Variants in DOCK2 observed in about 807,000 individuals in gnomAD.
DOCK2 encodes dedicator of cytokinesis protein 2.
DOCK2 carries 87 observed loss-of-function variants against 248.9 expected under a neutral mutation model. The ratio of observed to expected loss-of-function variants is 0.35; its 90% CI spans 0.29 to 0.42. The LOEUF (loss-of-function observed/expected upper bound fraction) is 0.42. Ranked by LOEUF, DOCK2 falls within the 10% of genes least tolerant of loss-of-function variation. The pLI is 1.00. For synonymous variants in DOCK2, 805 were observed against 821.6 expected, an observed-to-expected ratio of 0.98 and a Z score of 0.35; for missense variants, 1,747 against 2,300.2, an observed-to-expected ratio of 0.76 and a Z score of 4.92.
intron 25 of DOCK2, among the ~76,000 whole-genome samples, chr5:169,801,481 C>T (rs1220164461): frequency 7.2e-5 from 11 of 152,206 alleles, no homozygotes; most frequent in Non-Finnish European, 1.5e-5. Context: ...TCATGCACGA[C>T]ACTTGCAACA....
At chr5:169,844,485 G>A (rs772743256) in intron 27 of DOCK2, among the ~76,000 whole-genome samples, 9 of 152,300 alleles carry the variant, frequency 5.9e-5, no homozygotes, top group African/African-American at 1.2e-4. Context: ...TTGGCTCACC[G>A]CCCAGCCTTT....
intron 27 of DOCK2, among the ~76,000 whole-genome samples, chr5:169,932,762 A>G (rs259896): frequency 0.098 from 14,873 of 152,230 alleles, 791 homozygotes; most frequent in African/African-American, 0.15. Flanking sequence ...ATCCTTTCCT[A>G]TAAATATACA....
intron 27 of DOCK2, among the ~76,000 whole-genome samples, chr5:169,858,154 T>C (rs1163006873): frequency 6.6e-6 from 1 of 152,196 alleles, no homozygotes. Flanking sequence ...TGGTACATGA[T>C]GGAGATACAA....
chr5:169,807,833 C>CAAAAAAAAAAAAAAAA lies in DOCK2; in HGVS notation c.2703+4638_2703+4653dup, dbSNP rs61670398. Reference sequence around the variant, plus strand: ...TGGGAGACAGAGCAAGACTCTGTCTCAAAAAAAAAAAAAAAAAAAAAAAAA... The same window carrying CAAAAAAAAAAAAAAAA: ...TGGGAGACAGAGCAAGACTCTGTCTCAAAAAAAAAAAAAAAAAAAAAAAAAAAAAAAAAAAAAAAAA... On this transcript the variant is annotated intron_variant, in intron 26 of 51. Coordinates refer to ENST00000520908, the MANE Select transcript of DOCK2 (RefSeq NM_004946.3). Among the ~76,000 whole-genome samples, 25 of 24,230 alleles carry CAAAAAAAAAAAAAAAA rather than the reference C, an allele frequency of 1.0e-3. 2 individuals are homozygous for CAAAAAAAAAAAAAAAA. In the East Asian group the frequency reaches 0.018, roughly 18 times the overall value. 15.9% of individuals were successfully genotyped at this position (24,230 alleles called of 152,430 possible).
At chr5:170,034,996 C>T (rs1386464778) in intron 35 of DOCK2, among the ~76,000 whole-genome samples, 1 of 152,184 alleles carries the variant, frequency 6.6e-6, no homozygotes, top group Non-Finnish European at 1.5e-5. Context: ...TTGTGTTGCC[C>T]TGGCCCATGG....
chr5:169,777,704 G>A (rs1765462048), intron 25 of DOCK2, among the ~76,000 whole-genome samples: 1 of 152,302 alleles, frequency 6.6e-6, no homozygotes, highest in Middle Eastern at 3.4e-3. Flanking sequence ...CAATATAGAC[G>A]GTTGACCTCA....
At chr5:169,953,611 A>G (rs1298246125) in intron 27 of DOCK2, among the ~76,000 whole-genome samples, 2 of 152,210 alleles carry the variant, frequency 1.3e-5, no homozygotes, top group African/African-American at 2.4e-5. Context: ...AGTCAGCTAC[A>G]GAGGAGACCT....
At chr5:169,790,178 AG>A (rs1456371332) in intron 25 of DOCK2, among the ~76,000 whole-genome samples, 24 of 152,336 alleles carry the variant, frequency 1.6e-4, no homozygotes, top group Admixed American at 1.6e-3. Context: ...CCCCTCTGTT[AG>A]CCTTAAAATG....
intron 43 of DOCK2, chr5:170,057,377 G>C (rs1200468399): frequency 1.6e-6 from 1 of 632,364 alleles, no homozygotes; most frequent in Non-Finnish European, 2.9e-6. Context: ...CTAAGTCCAG[G>C]GAGAGCTTAC....
At chr5:169,986,608 T>C (rs73327869) in intron 29 of DOCK2, among the ~76,000 whole-genome samples, 2,625 of 152,310 alleles carry the variant, frequency 0.017, 83 homozygotes, top group African/African-American at 0.058. Context: ...AATTATAACA[T>C]TCATTAATCT....
intron 27 of DOCK2, among the ~76,000 whole-genome samples, chr5:169,888,881 G>T (rs895274059): frequency 6.6e-6 from 1 of 152,154 alleles, no homozygotes; most frequent in African/African-American, 2.4e-5. Context: ...TAAACTGTAG[G>T]TGCATTCATG....
At chr5:169,677,400 C>T (rs1462612372) in intron 6 of DOCK2, among the ~76,000 whole-genome samples, 2 of 152,104 alleles carry the variant, frequency 1.3e-5, no homozygotes, top group African/African-American at 4.8e-5. Flanking sequence ...GAAGGCTGCC[C>T]GCAAACTGTG....
intron 5 of DOCK2, among the ~76,000 whole-genome samples, chr5:169,673,364 C>T (rs1311678547): frequency 6.6e-6 from 1 of 151,660 alleles, no homozygotes. Flanking sequence ...GCTTCAAGAA[C>T]CAAGGACAAA....
At chr5:169,738,546 G>T (rs1307284109) in intron 22 of DOCK2, among the ~76,000 whole-genome samples, 2 of 152,086 alleles carry the variant, frequency 1.3e-5, no homozygotes, top group African/African-American at 4.8e-5. Flanking sequence ...AAACTAGAGG[G>T]TGTTTTTTTA....
chr5:169,732,515 C>G (rs1161928861), intron 22 of DOCK2, among the ~76,000 whole-genome samples: 1 of 152,142 alleles, frequency 6.6e-6, no homozygotes, highest in African/African-American at 2.4e-5. Context: ...TCAAAGGCAA[C>G]TCAAAGTTAG....
intron 27 of DOCK2, among the ~76,000 whole-genome samples, chr5:169,861,391 G>A (rs745719729): frequency 1.2e-4 from 18 of 152,242 alleles, no homozygotes; most frequent in African/African-American, 2.6e-4. Context: ...TCAGTACATC[G>A]TCTTTAAGAA....
intron 27 of DOCK2, among the ~76,000 whole-genome samples, chr5:169,953,173 A>T (rs537355369): frequency 1.3e-5 from 2 of 152,198 alleles, no homozygotes; most frequent in East Asian, 3.9e-4. Context: ...AATACAAAAA[A>T]TTAGCTGGGT....
At chr5:169,747,936 A>G (rs1342216542) in intron 23 of DOCK2, among the ~76,000 whole-genome samples, 1 of 152,246 alleles carries the variant, frequency 6.6e-6, no homozygotes, top group Non-Finnish European at 1.5e-5. Context: ...TAATCTGTGA[A>G]GACTGCAAAT....
chr5:169,996,783 C>G (rs927168024), intron 30 of DOCK2, among the ~76,000 whole-genome samples: 10 of 152,294 alleles, frequency 6.6e-5, no homozygotes, highest in Admixed American at 3.3e-4. Flanking sequence ...CCAGGGAAGT[C>G]TCCGATCCCT....
Sources: allele counts gnomAD v4.1 joint callset (sites outside exome capture counted in the v4.1 genomes callset), GRCh38; gene constraint gnomAD v4.1.1; transcripts MANE v1.5; gene names NCBI Gene and HGNC (gene_info 2026-07-23, HGNC 2026-07-21).